The following SIGLECL1 variants were observed in gnomAD, a reference collection of about 807,000 sequenced individuals.
SIGLECL1 encodes SIGLEC family-like protein 1.
Under a neutral mutation model 19.1 loss-of-function variants are expected in SIGLECL1, and 16 were observed. That is an observed-to-expected ratio of 0.84 (90% CI 0.57 to 1.27). The LOEUF is 1.27. Ranked by LOEUF, SIGLECL1 falls within the 50% of genes most tolerant of loss-of-function variation. The probability of loss-of-function intolerance (pLI) is 0.00; values close to 1 mark genes in which losing one functional copy is unlikely to be tolerated. For missense variants in SIGLECL1, 210 were observed against 239.4 expected, an observed-to-expected ratio of 0.88 and a Z score of 0.81; for synonymous variants, 89 against 90.4, an observed-to-expected ratio of 0.98 and a Z score of 0.09.
At chr19:51,266,479 A>G (rs1321905520) in intron 4 of SIGLECL1, among the ~76,000 whole-genome samples, 3 of 151,782 alleles carry the variant, frequency 2.0e-5, no homozygotes, top group Non-Finnish European at 4.4e-5. Context: ...TATCCCCAAG[A>G]TATGTCATTA....
At chr19:51,247,235 C>T (rs1982291925), upstream of SIGLECL1, among the ~76,000 whole-genome samples, 1 of 152,062 alleles carries the variant, frequency 6.6e-6, no homozygotes, top group African/African-American at 2.4e-5. Flanking sequence ...CAGTAGCTCC[C>T]CTAGTCCAGT....
intron 1 of SIGLECL1, among the ~76,000 whole-genome samples, chr19:51,256,351 C>T (rs1982808893): frequency 6.6e-6 from 1 of 152,192 alleles, no homozygotes; most frequent in African/African-American, 2.4e-5. Flanking sequence ...TAAAAAAGGA[C>T]ATCTTGCCAT....
At chr19:51,265,090 G>C (rs1348912074) in intron 2 of SIGLECL1, among the ~76,000 whole-genome samples, 1 of 152,128 alleles carries the variant, frequency 6.6e-6, no homozygotes, top group African/African-American at 2.4e-5. Context: ...GGTCTGGCTT[G>C]GACTTCTAGC....
rs150052782 is a variant in SIGLECL1 at position 51,267,277 on chromosome 19, T to C, written c.411-96T>C. 5.0e-4 allele frequency: 739 copies of C among 1,465,162 alleles called. 5 individuals are homozygous for C. In the African/African-American group the frequency reaches 9.4e-3, roughly 19 times the overall value. The allele number at this position is 1,465,162 out of a possible 1,614,324, so 90.8% of individuals were successfully genotyped here. A position where few individuals can be genotyped will look rare whatever the true frequency, so the allele number is the denominator to read the frequency against. On this transcript the variant is annotated intron_variant, in intron 4 of 5. Coordinates refer to ENST00000601727, the MANE Select transcript of SIGLECL1 (RefSeq NM_001385465.1). ...GTCATACAGCAAGCTGGTACTGTTG[T>C]TGAGGCTCTAAATCAGAAGTTCTGG...
intron 1 of SIGLECL1, among the ~76,000 whole-genome samples, chr19:51,257,060 T>C (rs547877052): frequency 1.6e-4 from 24 of 152,208 alleles, no homozygotes; most frequent in African/African-American, 5.8e-4. Context: ...ATTTCAGACA[T>C]ATAGAAAGAT....
At chr19:51,252,202 C>T (rs1474342626) in intron 1 of SIGLECL1, among the ~76,000 whole-genome samples, 3 of 151,378 alleles carry the variant, frequency 2.0e-5, no homozygotes, top group Non-Finnish European at 4.4e-5. Context: ...GAGGCTGAGG[C>T]AGGAGAATCA....
At chr19:51,267,246 C>A in intron 4 of SIGLECL1, 127 bp from the exon 5 acceptor site, 3 of 1,149,602 alleles carry the variant, frequency 2.6e-6, no homozygotes, top group Non-Finnish European at 2.5e-6. Context: ...GTGTGGCTTG[C>A]CCTAGGTCAT....
intron 4 of SIGLECL1, among the ~76,000 whole-genome samples, chr19:51,266,705 G>A (rs1983701244): frequency 6.6e-6 from 1 of 152,172 alleles, no homozygotes; most frequent in African/African-American, 2.4e-5. Context: ...CCTTGGTGTT[G>A]GTTCACAGGG....
At chr19:51,265,086 G>A (rs1233941993) in intron 2 of SIGLECL1, among the ~76,000 whole-genome samples, 1 of 152,138 alleles carries the variant, frequency 6.6e-6, no homozygotes, top group Admixed American at 6.5e-5. Flanking sequence ...AGGAGGTCTG[G>A]CTTGGACTTC....
intron 1 of SIGLECL1, among the ~76,000 whole-genome samples, chr19:51,261,936 C>A (rs146188993): frequency 6.6e-6 from 1 of 152,082 alleles, no homozygotes; most frequent in Admixed American, 6.5e-5. Flanking sequence ...GGGAGCAGAC[C>A]AGTGTAACCA....
intron 1 of SIGLECL1, among the ~76,000 whole-genome samples, chr19:51,255,007 C>T (rs182474767): frequency 4.9e-4 from 75 of 152,200 alleles, no homozygotes; most frequent in Non-Finnish European, 9.9e-4. Flanking sequence ...CGCCTGTAAT[C>T]CCAGCACTTT....
intron 2 of SIGLECL1, 45 bp from the exon 3 acceptor site, chr19:51,265,323 G>A: frequency 6.4e-7 from 1 of 1,554,288 alleles, no homozygotes; most frequent in Non-Finnish European, 8.7e-7. Flanking sequence ...ACTGGAAGAG[G>A]GAAGCCAGGA....
At position 51,265,773 on chromosome 19, in the gene SIGLECL1, C is replaced by T. The variant is rs1983613137; in HGVS notation, c.305-4C>T. On this transcript the variant is annotated splice_region_variant and splice_polypyrimidine_tract_variant and intron_variant, in intron 3 of 5. Transcript: ENST00000601727. ...CAAACTTCTCACATGCTCTCTGCTT[C>T]CAGGAAAGAGTTCTTTGGCTGCCCA... The T allele has an allele frequency of 6.2e-7, 1 of 1,614,170 alleles. No individual in the cohort carries two copies. Among genetic ancestry groups the T allele is most frequent in the South Asian group, 1.1e-5 (1 of 91,082 alleles).
upstream of SIGLECL1, among the ~76,000 whole-genome samples, chr19:51,247,352 A>G (rs1420994891): frequency 6.6e-6 from 1 of 152,250 alleles, no homozygotes; most frequent in Admixed American, 6.5e-5. Context: ...CTGTATTCAC[A>G]TAGATACTTG....
intron 1 of SIGLECL1, among the ~76,000 whole-genome samples, chr19:51,262,087 C>A (rs1983274019): frequency 6.6e-6 from 1 of 152,198 alleles, no homozygotes; most frequent in Non-Finnish European, 1.5e-5. Flanking sequence ...TCCAGCCCTG[C>A]AACTTGCATT....
chr19:51,268,590 C>A lies in SIGLECL1; in HGVS notation c.587C>A (p.Ala196Asp), dbSNP rs747694202. ...SRILEKQDKR[A>D]S ...TTTCAGGAAAAGCAAGATAAACGAG[C>A]CAGCTAAGCCTGTGGAACATGCCTC... Residue 196 changes from alanine to aspartate, a missense_variant, in exon 6 of 6, where the codon GCC (alanine) becomes GAC (aspartate). Physicochemically the swap from Ala to Asp is moderately radical, Grantham distance 126. Coordinates refer to ENST00000601727, the MANE Select transcript of SIGLECL1 (RefSeq NM_001385465.1). The A allele has an allele frequency of 1.2e-6, 2 of 1,613,776 alleles. No homozygotes were observed. The highest frequency in any genetic ancestry group is 1.7e-6 in the Non-Finnish European group (2 of 1,179,958).
intron 1 of SIGLECL1, among the ~76,000 whole-genome samples, chr19:51,254,331 T>TAA (rs763830054): frequency 7.7e-6 from 1 of 130,404 alleles, no homozygotes. Flanking sequence ...TCCATCTCTT[T>TAA]AAAAAAAAAA....
At chr19:51,251,888 G>A (rs1201761368) in intron 1 of SIGLECL1, among the ~76,000 whole-genome samples, 3 of 152,174 alleles carry the variant, frequency 2.0e-5, no homozygotes, top group Non-Finnish European at 4.4e-5. Flanking sequence ...ACCCTGCTAA[G>A]GAAATACACA....
At chr19:51,262,775 C>G (rs1171490125) in intron 1 of SIGLECL1, among the ~76,000 whole-genome samples, 1 of 152,200 alleles carries the variant, frequency 6.6e-6, no homozygotes, top group Non-Finnish European at 1.5e-5. Flanking sequence ...TATCCTAAAC[C>G]AAGTGATCAC....
Sources: gnomAD v4.1 joint callset for allele counts (sites outside exome capture counted in the v4.1 genomes callset) on GRCh38, gnomAD v4.1.1 for gene constraint, MANE v1.5 for transcripts, NCBI Gene and HGNC (gene_info 2026-07-23, HGNC 2026-07-21) for gene names.